RPTOR: variants seen among roughly 807,000 people sequenced by gnomAD.
The protein encoded by RPTOR is regulatory associated protein of MTOR complex 1.
In RPTOR, 21 loss-of-function variants were observed where a neutral mutation model predicts 169.9. That is an observed-to-expected ratio of 0.12 (90% CI 0.09 to 0.18). RPTOR has a LOEUF of 0.18. Among genes scored for constraint, RPTOR ranks in the 10% least tolerant of loss-of-function variants. RPTOR has a pLI of 1.00. For synonymous variants in RPTOR, 732 were observed against 753.2 expected, an observed-to-expected ratio of 0.97 and a Z score of 0.46; for missense variants, 1,133 against 1,855.9, an observed-to-expected ratio of 0.61 and a Z score of 7.16.
chr17:80,736,059 C>A (rs1480735882), intron 5 of RPTOR, among the ~76,000 whole-genome samples: 2 of 152,090 alleles, frequency 1.3e-5, no homozygotes, highest in Non-Finnish European at 2.9e-5. Context: ...GTCATCCCAG[C>A]TACTCTGGAG....
intron 2 of RPTOR, among the ~76,000 whole-genome samples, chr17:80,639,290 A>G (rs1567833907): frequency 6.6e-6 from 1 of 151,430 alleles, no homozygotes; most frequent in South Asian, 2.1e-4. Flanking sequence ...TCAATTAAAA[A>G]TGTTTATTAA....
chr17:80,948,561 C>G (rs2069131935), intron 27 of RPTOR: 1 of 152,508 alleles, frequency 6.6e-6, no homozygotes, highest in Non-Finnish European at 1.5e-5. Flanking sequence ...GGGCCAGGGT[C>G]CTTTGCAGAA....
At chr17:80,634,915 A>C (rs1385767578) in intron 2 of RPTOR, among the ~76,000 whole-genome samples, 1 of 149,956 alleles carries the variant, frequency 6.7e-6, no homozygotes, top group Admixed American at 6.6e-5. Flanking sequence ...GCGTGTGCAT[A>C]CTGTGTGTGC....
Position 80,966,281 on chromosome 17 carries a change from C to T in RPTOR, c.*1951C>T, listed in dbSNP as rs936266185. 3.9e-5 allele frequency: 9 copies of T among 232,456 alleles called. No individual in the cohort carries two copies. The highest frequency in any genetic ancestry group is 1.3e-4 in the African/African-American group (6 of 45,262). The allele number at this position is 232,456 out of a possible 1,614,324, so 14.4% of individuals were successfully genotyped here. A position where few individuals can be genotyped will look rare whatever the true frequency, so the allele number is the denominator to read the frequency against. ...CTCATTATCTATTTATTTTACCAAA[C>T]GCGAATTGAGACGGACTTTGACAAA... On this transcript the variant is annotated 3_prime_UTR_variant, in exon 34 of 34. Coordinates refer to ENST00000306801, the MANE Select transcript of RPTOR (RefSeq NM_020761.3).
intron 3 of RPTOR, among the ~76,000 whole-genome samples, chr17:80,678,056 T>C (rs2065872770): frequency 6.6e-6 from 1 of 152,194 alleles, no homozygotes; most frequent in East Asian, 1.9e-4. Flanking sequence ...GTCCTCAGTG[T>C]GAAAGACACA....
At chr17:80,887,089 A>T (rs1414626677) in intron 17 of RPTOR, among the ~76,000 whole-genome samples, 1 of 152,024 alleles carries the variant, frequency 6.6e-6, no homozygotes, top group Non-Finnish European at 1.5e-5. Flanking sequence ...TGATAACGCC[A>T]GCTGGCAGGG....
At chr17:80,745,805 A>T (rs1166498037) in intron 5 of RPTOR, among the ~76,000 whole-genome samples, 1 of 152,224 alleles carries the variant, frequency 6.6e-6, no homozygotes, top group Admixed American at 6.5e-5. Flanking sequence ...GTATCTCATT[A>T]TAAAGATGCC....
intron 5 of RPTOR, among the ~76,000 whole-genome samples, chr17:80,750,830 C>T (rs559087513): frequency 1.3e-5 from 2 of 152,026 alleles, no homozygotes; most frequent in Admixed American, 1.3e-4. Flanking sequence ...GTGATTGTTG[C>T]GTGGCATGTA....
chr17:80,728,755 A>G (rs764768725), intron 4 of RPTOR, among the ~76,000 whole-genome samples: 1 of 148,546 alleles, frequency 6.7e-6, no homozygotes, highest in Non-Finnish European at 1.5e-5. Flanking sequence ...TTTTCTCTGT[A>G]CTATATAATC....
At chr17:80,904,419 T>C (rs1281716518) in intron 20 of RPTOR, among the ~76,000 whole-genome samples, 1 of 152,140 alleles carries the variant, frequency 6.6e-6, no homozygotes, top group Non-Finnish European at 1.5e-5. Context: ...TCTGAACTGC[T>C]CCGACAGCCG....
chr17:80,760,686 G>A (rs2066728171), intron 6 of RPTOR, among the ~76,000 whole-genome samples: 1 of 152,196 alleles, frequency 6.6e-6, no homozygotes, highest in African/African-American at 2.4e-5. Context: ...TCCAGAAAAG[G>A]GAACTAGGAT....
Position 80,822,201 on chromosome 17 carries a change from G to T in RPTOR, c.891G>T (p.Lys297Asn). 1 of 1,614,060 alleles carries T rather than the reference G, an allele frequency of 6.2e-7. No individual in the cohort carries two copies. Residue 297 changes from lysine (K) to asparagine (N), a missense_variant and splice_region_variant, in exon 8 of 34, where the codon AAG becomes AAT. Lys to Asn is a moderately conservative substitution (Grantham distance 94). Coordinates refer to ENST00000306801, the MANE Select transcript of RPTOR (RefSeq NM_020761.3). ...VPGVTLDLIE[K>N]IPGRLNDRRT... ...CATGAGAACGCCCCTTGTTTTCTAG[G>T]ATCCCTGGCCGCCTGAACGACAGGA...
At chr17:80,766,982 A>T (rs564543659) in intron 6 of RPTOR, among the ~76,000 whole-genome samples, 11 of 152,206 alleles carry the variant, frequency 7.2e-5, no homozygotes, top group South Asian at 2.1e-4. Context: ...AAATTGTCAA[A>T]ACTTTTTCTA....
intron 21 of RPTOR, among the ~76,000 whole-genome samples, chr17:80,916,670 T>C (rs4969302): frequency 0.89 from 136,192 of 152,288 alleles, 61,121 homozygotes; most frequent in African/African-American, 0.97. Context: ...ACATTTTGAT[T>C]TACTTATAAA....
intron 20 of RPTOR, among the ~76,000 whole-genome samples, chr17:80,898,920 C>T (rs1044116616): frequency 1.3e-5 from 2 of 151,946 alleles, no homozygotes; most frequent in Non-Finnish European, 2.9e-5. Flanking sequence ...GCAGGGCATC[C>T]GCCAAGGCAG....
chr17:80,953,769 A>C (rs916672157), intron 28 of RPTOR, among the ~76,000 whole-genome samples: 98 of 152,348 alleles, frequency 6.4e-4, no homozygotes, highest in African/African-American at 2.2e-3. Context: ...TTGGCTGCAC[A>C]GCTGCAGCAG....
rs1461592833 is a variant in RPTOR at position 80,878,551 on chromosome 17, T to C, written c.1510-1864T>C. On this transcript the variant is annotated intron_variant, in intron 13 of 33. Coordinates refer to ENST00000306801, the MANE Select transcript of RPTOR (RefSeq NM_020761.3). The surrounding 1 kb of genome is among the most constrained non-coding windows in gnomAD (Gnocchi z 4.1). ...TTAGTAGAGACAGGATTTCACCATA[T>C]TGGCCAGGCTGGTCTCGAACTCCTG... Among the ~76,000 whole-genome samples the C allele has an allele frequency of 6.6e-6, 1 of 152,072 alleles. No individual in the cohort carries two copies. Among genetic ancestry groups the C allele is most frequent in the Non-Finnish European group, 1.5e-5 (1 of 68,014 alleles).
chr17:80,567,186 G>A (rs2064852812), intron 1 of RPTOR, among the ~76,000 whole-genome samples: 1 of 151,940 alleles, frequency 6.6e-6, no homozygotes, highest in Non-Finnish European at 1.5e-5. Flanking sequence ...GGCCAGGCTG[G>A]TCTTGAACTC....
At chr17:80,625,538 C>T (rs1309807836) in intron 1 of RPTOR, among the ~76,000 whole-genome samples, 153 bp from the exon 2 acceptor site, 1 of 152,198 alleles carries the variant, frequency 6.6e-6, no homozygotes, top group Non-Finnish European at 1.5e-5. Context: ...TGCACTAGGG[C>T]TGGGGTAGCC....
Sources: allele counts gnomAD v4.1 joint callset (sites outside exome capture counted in the v4.1 genomes callset), GRCh38; gene constraint gnomAD v4.1.1; non-coding constraint Gnocchi (gnomAD v3.1); transcripts MANE v1.5; gene names NCBI Gene and HGNC (gene_info 2026-07-23, HGNC 2026-07-21).